Variants in ADAMTS2 observed in about 807,000 individuals in gnomAD.
ADAMTS2 encodes the protein ADAM metallopeptidase with thrombospondin type 1 motif 2, also known as A disintegrin and metalloproteinase with thrombospondin motifs 2.
Under a neutral mutation model 123.0 loss-of-function variants are expected in ADAMTS2, and 50 were observed. The ratio of observed to expected loss-of-function variants is 0.41; its 90% CI spans 0.32 to 0.51. The LOEUF is 0.51. Among genes scored for constraint, ADAMTS2 ranks in the 20% least tolerant of loss-of-function variants. The probability of loss-of-function intolerance (pLI) is 0.35; values close to 1 mark genes in which losing one functional copy is unlikely to be tolerated. For missense variants in ADAMTS2, 1,494 were observed against 1,705.2 expected, an observed-to-expected ratio of 0.88 and a Z score of 2.18; for synonymous variants, 678 against 695.4, an observed-to-expected ratio of 0.98 and a Z score of 0.39.
intron 4 of ADAMTS2, among the ~76,000 whole-genome samples, chr5:179,186,847 C>G (rs539976554): frequency 7.2e-6 from 1 of 139,450 alleles, no homozygotes; most frequent in East Asian, 2.7e-4. Context: ...CCCACCCCCC[C>G]ACCCACACAC....
intron 2 of ADAMTS2, among the ~76,000 whole-genome samples, chr5:179,322,752 G>A (rs73808264): frequency 0.015 from 2,320 of 152,288 alleles, 50 homozygotes; most frequent in African/African-American, 0.053. Context: ...CAAATGTGGC[G>A]ATGCAAACTG....
At position 179,202,345 on chromosome 5, in the gene ADAMTS2, G is replaced by A. The variant is rs938409491; in HGVS notation, c.891+5168C>T. Reference sequence around the variant, plus strand: ...ATCCTACCTCTTCCCACATCCTTCCGTTGTCGTGAGCCTCTGCTCCCGTGA... The same window carrying A: ...ATCCTACCTCTTCCCACATCCTTCCATTGTCGTGAGCCTCTGCTCCCGTGA... On this transcript the variant is annotated intron_variant, in intron 4 of 21. Coordinates refer to ENST00000251582, the MANE Select transcript of ADAMTS2 (RefSeq NM_014244.5). The surrounding 1 kb of genome is among the most constrained non-coding windows in gnomAD (Gnocchi z 4.0). 3.3e-5 allele frequency among the ~76,000 whole-genome samples: 5 copies of A among 152,014 alleles called. No homozygotes were observed. Among genetic ancestry groups the A allele is most frequent in the East Asian group, 3.9e-4 (2 of 5,166 alleles).
At chr5:179,223,511 C>T (rs1003792504) in intron 3 of ADAMTS2, among the ~76,000 whole-genome samples, 6 of 149,508 alleles carry the variant, frequency 4.0e-5, no homozygotes, top group South Asian at 2.1e-4. Flanking sequence ...CACACTCATA[C>T]GAATGCACTC....
chr5:179,246,358 C>T (rs551657083), intron 3 of ADAMTS2, among the ~76,000 whole-genome samples: 5 of 152,264 alleles, frequency 3.3e-5, no homozygotes, highest in Admixed American at 2.6e-4. Context: ...AAGTGGTTTC[C>T]CAGACAGTGT....
chr5:179,268,309 G>T (rs770531141), intron 3 of ADAMTS2, among the ~76,000 whole-genome samples: 2 of 152,212 alleles, frequency 1.3e-5, no homozygotes, highest in Non-Finnish European at 2.9e-5. Flanking sequence ...TGGTCTCCAC[G>T]TTTCCATCAA....
chr5:179,257,386 C>T (rs1332441840), intron 3 of ADAMTS2, among the ~76,000 whole-genome samples: 2 of 152,204 alleles, frequency 1.3e-5, no homozygotes, highest in African/African-American at 4.8e-5. Context: ...GTATAGGTGC[C>T]GGGAGCCCGG....
chr5:179,136,059 T>G lies in ADAMTS2; in HGVS notation c.1952-17A>C, dbSNP rs777133911. ...TCTCCTTGGCTGGAAGGGAAGCAGC[T>G]GGGGGTCTGCAAGGAGCCCTGATGG... On this transcript the variant is annotated splice_polypyrimidine_tract_variant and intron_variant, in intron 12 of 21. Transcript: ENST00000251582. The G allele has an allele frequency of 1.3e-5, 21 of 1,612,854 alleles. 1 individual carries two copies. Among genetic ancestry groups the G allele is most frequent in the East Asian group, 8.9e-5 (4 of 44,854 alleles).
chr5:179,182,441 G>T (rs1764070458), intron 4 of ADAMTS2, among the ~76,000 whole-genome samples: 1 of 152,156 alleles, frequency 6.6e-6, no homozygotes, highest in Non-Finnish European at 1.5e-5. Flanking sequence ...CTGCATCTGA[G>T]CAACAGTGAT....
chr5:179,287,124 C>T (rs906555028), intron 2 of ADAMTS2, among the ~76,000 whole-genome samples: 3 of 152,080 alleles, frequency 2.0e-5, no homozygotes, highest in Admixed American at 1.3e-4. Flanking sequence ...TGGCAGGGTC[C>T]GGTGGCCAGA....
At position 179,265,474 on chromosome 5, in the gene ADAMTS2, C is replaced by T. The variant is rs572637765; in HGVS notation, c.688+7437G>A. Among the ~76,000 whole-genome samples, 344 of 152,288 alleles carry T rather than the reference C, an allele frequency of 2.3e-3. 3 individuals carry two copies. The highest frequency in any genetic ancestry group is 0.014 in the Middle Eastern group (4 of 294). Reference sequence around the variant, plus strand: ...GGGAGCACACCCTGGCACGTCTCCACTGTGGAATAAGGGGGGCCCAGCCCT... The same window carrying T: ...GGGAGCACACCCTGGCACGTCTCCATTGTGGAATAAGGGGGGCCCAGCCCT... On this transcript the variant is annotated intron_variant, in intron 3 of 21. Coordinates refer to ENST00000251582, the MANE Select transcript of ADAMTS2 (RefSeq NM_014244.5).
At chr5:179,258,422 C>T (rs1417246450) in intron 3 of ADAMTS2, among the ~76,000 whole-genome samples, 2 of 152,182 alleles carry the variant, frequency 1.3e-5, no homozygotes, top group East Asian at 1.9e-4. Context: ...CTTGCAGAGC[C>T]ATCTCAGCCC....
At chr5:179,139,267 T>G in intron 11 of ADAMTS2, among the ~76,000 whole-genome samples, 1 of 150,124 alleles carries the variant, frequency 6.7e-6, no homozygotes, top group Admixed American at 6.6e-5. Flanking sequence ...GAGGAGGGTG[T>G]GGATGAGAAA....
chr5:179,130,523 C>A lies in ADAMTS2; in HGVS notation c.2291-425G>T, dbSNP rs1202815029. Among the ~76,000 whole-genome samples, 1 of 152,214 alleles carries A rather than the reference C, an allele frequency of 6.6e-6. No individual in the cohort carries two copies. On this transcript the variant is annotated intron_variant, in intron 15 of 21. Transcript: ENST00000251582. This position sits in a 1 kb window ranked among gnomAD's most constrained non-coding sequence, Gnocchi z 4.3. Reference sequence around the variant, plus strand: ...GACCCTGCTGGAGTAGGGCTTCCTGCCATGGGGTGAGTATATGTCTGGCTG... The same window carrying A: ...GACCCTGCTGGAGTAGGGCTTCCTGACATGGGGTGAGTATATGTCTGGCTG...
chr5:179,155,051 C>G lies in ADAMTS2; in HGVS notation c.1133-132G>C, dbSNP rs1763442685. The G allele has an allele frequency of 1.3e-6, 1 of 794,370 alleles. No individual in the cohort carries two copies. The highest frequency in any genetic ancestry group is 2.0e-5 in the Admixed American group (1 of 49,798). 49.2% of individuals were successfully genotyped at this position (794,370 alleles called of 1,614,324 possible). On this transcript the variant is annotated intron_variant, in intron 6 of 21. Transcript: ENST00000251582. This position sits in a 1 kb window ranked among gnomAD's most constrained non-coding sequence, Gnocchi z 5.1. Reference sequence around the variant, plus strand: ...CTCTACCACAGGCAACTGCCCCCGGCTGGCACAGCTCAGAAGACACCACAG... The same window carrying G: ...CTCTACCACAGGCAACTGCCCCCGGGTGGCACAGCTCAGAAGACACCACAG...
chr5:179,248,577 G>C (rs1252506718), intron 3 of ADAMTS2, among the ~76,000 whole-genome samples: 2 of 152,034 alleles, frequency 1.3e-5, no homozygotes, highest in Non-Finnish European at 2.9e-5. Flanking sequence ...GAAACCAGAA[G>C]AGACCTGGGA....
At chr5:179,179,548 A>C (rs192240873) in intron 5 of ADAMTS2, among the ~76,000 whole-genome samples, 19 of 152,314 alleles carry the variant, frequency 1.2e-4, no homozygotes, top group Admixed American at 1.2e-3. Context: ...TCTATGCCTT[A>C]TTAGCATCTA....
chr5:179,273,484 C>G (rs929596330), intron 2 of ADAMTS2, among the ~76,000 whole-genome samples: 5 of 152,226 alleles, frequency 3.3e-5, no homozygotes, highest in African/African-American at 1.2e-4. Context: ...GAGTCCAAGA[C>G]AAAGGTCAAA....
chr5:179,225,856 C>T lies in ADAMTS2; in HGVS notation c.689-18141G>A, dbSNP rs1029470324. The stretch of plus-strand genomic sequence containing the variant: ...TCTTCCAGGACATCAAGGAAGAACC[C>T]GAGATACAGAAAGCCCTCTGTCCTT... On this transcript the variant is annotated intron_variant, in intron 3 of 21. Coordinates refer to ENST00000251582, the MANE Select transcript of ADAMTS2 (RefSeq NM_014244.5). This position sits in a 1 kb window ranked among gnomAD's most constrained non-coding sequence, Gnocchi z 4.5. 5.3e-5 allele frequency among the ~76,000 whole-genome samples: 8 copies of T among 152,160 alleles called. No individual in the cohort carries two copies. The highest frequency in any genetic ancestry group is 4.6e-4 in the Admixed American group (7 of 15,276).
chr5:179,287,026 A>G (rs1756039895), intron 2 of ADAMTS2, among the ~76,000 whole-genome samples: 1 of 152,202 alleles, frequency 6.6e-6, no homozygotes, highest in Non-Finnish European at 1.5e-5. Context: ...TAGGACCTCA[A>G]CAAAGGAACT....
Sources: allele counts gnomAD v4.1 joint callset (sites outside exome capture counted in the v4.1 genomes callset), GRCh38; gene constraint gnomAD v4.1.1; non-coding constraint Gnocchi (gnomAD v3.1); transcripts MANE v1.5; gene names NCBI Gene and HGNC (gene_info 2026-07-23, HGNC 2026-07-21).